MYO15A: variants seen among roughly 807,000 people sequenced by gnomAD.
MYO15A encodes the protein myosin XVA, also known as unconventional myosin-XV.
MYO15A carries 308 observed loss-of-function variants against 394.6 expected under a neutral mutation model. The observed-to-expected ratio is 0.78, with a 90% CI of 0.71 to 0.86. The LOEUF is 0.86. MYO15A is among the 40% of genes least tolerant of loss of function. The probability of loss-of-function intolerance (pLI) is 0.00; values close to 1 mark genes in which losing one functional copy is unlikely to be tolerated. For missense variants in MYO15A, 4,606 were observed against 4,799.1 expected, an observed-to-expected ratio of 0.96 and a Z score of 1.19; for synonymous variants, 1,957 against 2,003.8, an observed-to-expected ratio of 0.98 and a Z score of 0.62.
At chr17:18,129,058 C>T (rs2046105319) in intron 7 of MYO15A, among the ~76,000 whole-genome samples, 1 of 152,180 alleles carries the variant, frequency 6.6e-6, no homozygotes, top group Non-Finnish European at 1.5e-5. Context: ...CTCCACCCTC[C>T]CCCATGTATA....
At position 18,154,081 on chromosome 17, in the gene MYO15A, C is replaced by T. The variant is rs1300269673; in HGVS notation, c.8089-50C>T. 3.7e-6 allele frequency: 6 copies of T among 1,611,480 alleles called. No homozygotes were observed. In the African/African-American group the frequency reaches 6.7e-5, roughly 18 times the overall value. Reference sequence around the variant, plus strand: ...TTAGGGGGCGGGGCCGGGTGTGAAGCAAGGCCAGGGGGCAGTCGGACAGTA... The same window carrying T: ...TTAGGGGGCGGGGCCGGGTGTGAAGTAAGGCCAGGGGGCAGTCGGACAGTA... On this transcript the variant is annotated intron_variant, in intron 43 of 65. Coordinates refer to ENST00000647165, the MANE Select transcript of MYO15A (RefSeq NM_016239.4).
chr17:18,149,295 G>C lies in MYO15A; in HGVS notation c.7036G>C (p.Asp2346His). 6.2e-7 allele frequency: 1 copy of C among 1,613,730 alleles called. No homozygotes were observed. Among genetic ancestry groups the C allele is most frequent in the Non-Finnish European group, 8.5e-7 (1 of 1,179,824 alleles). Residue 2346 changes from aspartate (D) to histidine (H), a missense_variant, in exon 34 of 66, where the codon GAC becomes CAC. Transcript: ENST00000647165. ...CCAGGAGCACATGCCCAAAGTACTT[G>C]ACTCTGATGGGTACAGCAGCCACAA... ...QPQEHMPKVL[D>H]SDGYSSHNQD...
At chr17:18,155,793 C>T (rs973901810) in intron 47 of MYO15A, 17 of 427,710 alleles carry the variant, frequency 4.0e-5, no homozygotes, top group African/African-American at 2.8e-4. Flanking sequence ...CAGACTCCCT[C>T]CCCTGCTAGA....
intron 1 of MYO15A, among the ~76,000 whole-genome samples, chr17:18,118,035 C>T (rs894945290): frequency 1.3e-5 from 2 of 152,126 alleles, no homozygotes; most frequent in African/African-American, 4.8e-5. Context: ...ACCCAACCTC[C>T]ATTTCTGCCT....
Position 18,173,862 on chromosome 17 carries a change from G to A in MYO15A, c.10432G>A (p.Val3478Met), listed in dbSNP as rs765418634. Residue 3478 changes from valine to methionine, a missense_variant, in exon 65 of 66, where the codon GTG becomes ATG. Around this residue, in one of 2 missense-constraint regions of MYO15A, gnomAD observed 2,776 missense variants for 3,109.3 expected, o/e 0.89. Transcript: ENST00000647165. ...CACGGCCAACTCCAGCTACCCCTAT[G>A]TGGAGATTGCGCTGGGGGACGTGGC... ...RPTANSSYPY[V>M]EIALGDVAAQ... 10 of 1,613,146 alleles carry A rather than the reference G, an allele frequency of 6.2e-6. No individual in the cohort carries two copies. The highest frequency in any genetic ancestry group is 1.3e-5 in the African/African-American group (1 of 74,930).
chr17:18,155,382 C>A lies in MYO15A; in HGVS notation c.8409C>A (p.Val2803=). The change falls in exon 47 of 66, where the codon GTC becomes GTA. Residue 2803 remains valine, a synonymous_variant. Transcript: ENST00000647165. ...TGGGCATCAAACTCCTGAGGATGGT[C>A]AAGGGTGGCCAGGAGGCCGGCGGGC... The part of the protein sequence containing the change: ...SHVGIKLLRM[V]KGGQEAGGQL... 1.2e-6 allele frequency: 2 copies of A among 1,613,636 alleles called. No individual in the cohort carries two copies. Among genetic ancestry groups the A allele is most frequent in the South Asian group, 2.2e-5 (2 of 91,056 alleles).
chr17:18,113,915 G>T (rs534876687), intron 1 of MYO15A, among the ~76,000 whole-genome samples: 1 of 151,806 alleles, frequency 6.6e-6, no homozygotes, highest in South Asian at 2.1e-4. Flanking sequence ...GCACTAGCAG[G>T]TCCTGGAGAT....
In MYO15A at chr17:18,122,165, A is replaced by T; in HGVS notation, c.3365A>T (p.Gln1122Leu). ...TTTGCTGTGGTCATGCCTCGTGTGC[A>T]GAAGCTGAGCTCTTTCCAGCGAGTT... Reference protein sequence around the residue: ...GRFAVVMPRVQKLSSFQRVGP... With the variant: ...GRFAVVMPRVLKLSSFQRVGP... Residue 1122 changes from glutamine to leucine, a missense_variant, in exon 2 of 66, where the codon CAG becomes CTG. By Grantham distance (113) the Gln-to-Leu change is moderately radical (BLOSUM62 -2). Transcript: ENST00000647165. The T allele has an allele frequency of 6.2e-7, 1 of 1,613,098 alleles. No individual in the cohort carries two copies. The highest frequency in any genetic ancestry group is 8.5e-7 in the Non-Finnish European group (1 of 1,180,010).
chr17:18,158,840 CTCCCT>C, intron 52 of MYO15A, 80 bp from the exon 53 acceptor site: 1 of 1,546,648 alleles, frequency 6.5e-7, no homozygotes, highest in Non-Finnish European at 8.9e-7. Context: ...CAAGAACCCC[CTCCCT>C]GGGGGTTCTT....
chr17:18,120,175 G>A lies in MYO15A; in HGVS notation c.1375G>A (p.Glu459Lys), dbSNP rs774390135. Residue 459 changes from glutamate (E) to lysine (K), a missense_variant, in exon 2 of 66, where the codon GAG becomes AAG. By Grantham distance (56) the Glu-to-Lys change is moderately conservative. This residue lies in a region of MYO15A where 1,830 missense variants were observed against 1,689.7 expected (regional missense o/e 1.08). Coordinates refer to ENST00000647165, the MANE Select transcript of MYO15A (RefSeq NM_016239.4). ...CCGCCTGCCCAGCGCCGCCTTCTTC[G>A]AGCAGCAAGGCATGGATAAGCCCGC... is the stretch of plus-strand genomic sequence containing the variant. ...SFRLPSAAFF[E>K]QQGMDKPARS... 1.9e-6 allele frequency: 3 copies of A among 1,612,762 alleles called. No individual in the cohort carries two copies. The highest frequency in any genetic ancestry group is 2.2e-5 in the East Asian group (1 of 44,884).
intron 6 of MYO15A, 58 bp from the exon 7 acceptor site, chr17:18,127,017 G>A: frequency 6.2e-7 from 1 of 1,608,156 alleles, no homozygotes; most frequent in Non-Finnish European, 8.5e-7. Context: ...TGGGAGTCAG[G>A]GTGCCCCAGA....
intron 65 of MYO15A, chr17:18,177,895 G>A (rs1213157139): frequency 1.3e-5 from 2 of 152,154 alleles, no homozygotes; most frequent in Non-Finnish European, 2.9e-5. Flanking sequence ...TTTCGTCTGA[G>A]AACCACATTC....
At chr17:18,137,973 T>G in intron 16 of MYO15A, 142 bp from the exon 17 acceptor site, 2 of 1,161,452 alleles carry the variant, frequency 1.7e-6, no homozygotes, top group Non-Finnish European at 2.4e-6. Context: ...TGCTGCCTTA[T>G]TAGGGGGTGA....
At chr17:18,137,835 G>T (rs1044481401) in intron 16 of MYO15A, 156 bp downstream of exon 16, 36 of 985,752 alleles carry the variant, frequency 3.7e-5, no homozygotes, top group Non-Finnish European at 5.6e-5. Context: ...CCCATGGGAA[G>T]GCCTCTGTTC....
Position 18,159,343 on chromosome 17 carries a change from C to G in MYO15A, c.9225C>G (p.Phe3075Leu). 1 of 1,614,178 alleles carries G rather than the reference C, an allele frequency of 6.2e-7. No homozygotes were observed. The change falls in exon 54 of 66, where the codon TTC becomes TTG. Residue 3075 changes from phenylalanine to leucine, a missense_variant. Phe to Leu is a conservative substitution (Grantham distance 22). Around this residue, in one of 2 missense-constraint regions of MYO15A, gnomAD observed 2,776 missense variants for 3,109.3 expected, o/e 0.89. Coordinates refer to ENST00000647165, the MANE Select transcript of MYO15A (RefSeq NM_016239.4). ...SSLSKMATDM[F>L]LAVMRFMGDA... ...TCAGCAAGATGGCCACCGACATGTT[C>G]CTAGGTGTGGGAGTGGGACTGCAGC...
At chr17:18,135,672 A>G (rs1477128243) in intron 12 of MYO15A, 39 bp from the exon 13 acceptor site, 2 of 1,583,226 alleles carry the variant, frequency 1.3e-6, no homozygotes, top group South Asian at 2.2e-5. Context: ...AATTTAGCCT[A>G]TCTAGTTCAA....
rs2045946493 is a variant in MYO15A, at chr17:18,121,997, C to T, written c.3197C>T (p.Ala1066Val). The T allele has an allele frequency of 1.2e-6, 2 of 1,613,300 alleles. No homozygotes were observed. The highest frequency in any genetic ancestry group is 1.7e-6 in the Non-Finnish European group (2 of 1,180,020). Reference sequence around the variant, plus strand: ...AGGCCCAGCCTCTCATACCCACTGGCTGCGTGTGACCAGACCAGGGCCACA... The same window carrying T: ...AGGCCCAGCCTCTCATACCCACTGGTTGCGTGTGACCAGACCAGGGCCACA... Reference protein sequence around the residue: ...TLRPSLSYPLAACDQTRATWP... With the variant: ...TLRPSLSYPLVACDQTRATWP... The change falls in exon 2 of 66, where the codon GCT (alanine) becomes GTT (valine). Residue 1066 changes from alanine (A) to valine (V), a missense_variant. Physicochemically the swap from Ala to Val is moderately conservative, Grantham distance 64. This residue lies in a region of MYO15A where 1,830 missense variants were observed against 1,689.7 expected (regional missense o/e 1.08). Coordinates refer to ENST00000647165, the MANE Select transcript of MYO15A (RefSeq NM_016239.4). This position sits in a 1 kb window ranked among gnomAD's most constrained non-coding sequence, Gnocchi z 5.3.
At chr17:18,134,838 C>T (rs1421889847) in intron 12 of MYO15A, among the ~76,000 whole-genome samples, 4 of 152,080 alleles carry the variant, frequency 2.6e-5, no homozygotes, top group African/African-American at 4.8e-5. Context: ...TATTTATGTA[C>T]TGTGTCTATG....
chr17:18,129,068 A>G (rs2046105652), intron 7 of MYO15A, among the ~76,000 whole-genome samples: 1 of 152,186 alleles, frequency 6.6e-6, no homozygotes, highest in Admixed American at 6.5e-5. Context: ...CCCCATGTAT[A>G]GGCATCATCC....
Sources: allele counts gnomAD v4.1 joint callset (sites outside exome capture counted in the v4.1 genomes callset), GRCh38; gene constraint gnomAD v4.1.1; regional missense constraint gnomAD v4.1.1; non-coding constraint Gnocchi (gnomAD v3.1); transcripts MANE v1.5; gene names NCBI Gene and HGNC (gene_info 2026-07-23, HGNC 2026-07-21).